The following CELSR1 variants were observed in gnomAD, a reference collection of about 807,000 sequenced individuals.
The protein encoded by CELSR1 is cadherin EGF LAG seven-pass G-type receptor 1.
CELSR1 carries 110 observed loss-of-function variants against 249.1 expected under a neutral mutation model. The ratio of observed to expected loss-of-function variants is 0.44; its 90% CI spans 0.38 to 0.52. CELSR1 has a LOEUF of 0.52. CELSR1 is among the 20% of genes least tolerant of loss of function. The pLI is 0.00. For synonymous variants in CELSR1, 2,113 were observed against 1,900.0 expected (o/e 1.11, Z -2.92); for missense variants, 4,109 against 4,296.4 (o/e 0.96, Z 1.22).
rs1378382854 is a variant in CELSR1 at position 46,381,917 on chromosome 22, A to G, written c.7017T>C (p.Ala2339=). ...HPDDAGQFAV[A]LVIIYRTLGQ... ...CCAGGGTGCGGTAAATGATGACCAG[A>G]GCGACGGCGAACTGGCCAGCGTCAT... The change falls in exon 21 of 35, where the codon GCT becomes GCC. Residue 2339 remains alanine, a synonymous_variant. Transcript: ENST00000674500. This position sits in a 1 kb window ranked among gnomAD's most constrained non-coding sequence, Gnocchi z 6.0. 6 of 1,573,172 alleles carry G rather than the reference A, an allele frequency of 3.8e-6. No individual in the cohort carries two copies. Among genetic ancestry groups the G allele is most frequent in the South Asian group, 1.2e-5 (1 of 85,774 alleles).
Position 46,537,045 on chromosome 22 carries a change from GA to G in CELSR1, c.125del (p.Phe42SerfsTer60). The G allele has an allele frequency of 1.8e-6, 2 of 1,091,802 alleles. No homozygotes were observed. The highest frequency in any genetic ancestry group is 2.2e-6 in the Non-Finnish European group (2 of 899,214). 67.6% of individuals were successfully genotyped at this position (1,091,802 alleles called of 1,614,324 possible). A position where few individuals can be genotyped will look rare whatever the true frequency, so the allele number is the denominator to read the frequency against. On this transcript the variant is annotated frameshift_variant, in exon 1 of 35. Transcript: ENST00000674500. LOFTEE classifies it high-confidence loss of function. The surrounding 1 kb of genome is among the most constrained non-coding windows in gnomAD (Gnocchi z 5.8). ...EPRVPGGTRA[F>X]ALRPGCTYAV... ...CGTAGGTACAGCCGGGCCGGAGGGCGAAGGCGCGGGTCCCGCCGGGTACGCG... is the reference window on the plus strand; with the variant it reads ...CGTAGGTACAGCCGGGCCGGAGGGCGAGGCGCGGGTCCCGCCGGGTACGCG...
chr22:46,519,082 C>T (rs550613954), intron 1 of CELSR1, among the ~76,000 whole-genome samples: 1 of 151,738 alleles, frequency 6.6e-6, no homozygotes, highest in East Asian at 1.9e-4. Flanking sequence ...CCACGTGCTG[C>T]GCTGTGCACG....
chr22:46,518,401 T>A lies in CELSR1; in HGVS notation c.3544+15226A>T, dbSNP rs12483972. On this transcript the variant is annotated intron_variant, in intron 1 of 34. Coordinates refer to ENST00000674500, the MANE Select transcript of CELSR1 (RefSeq NM_001378328.1). This position sits in a 1 kb window ranked among gnomAD's most constrained non-coding sequence, Gnocchi z 5.2. Reference sequence around the variant, plus strand: ...TGGGCTCCCACAGACCACATTGCACTGCGACAAGGCAAACCGATGGTGTGC... The same window carrying A: ...TGGGCTCCCACAGACCACATTGCACAGCGACAAGGCAAACCGATGGTGTGC... Among the ~76,000 whole-genome samples, 20,791 of 152,260 alleles carry A rather than the reference T, an allele frequency of 0.14. 1,481 individuals are homozygous for A. The highest frequency in any genetic ancestry group is 0.25 in the South Asian group (1,184 of 4,828).
chr22:46,365,717 G>GT, intron 30 of CELSR1, 28 bp from the exon 31 acceptor site: 1 of 1,522,484 alleles, frequency 6.6e-7, no homozygotes, highest in South Asian at 1.2e-5. Flanking sequence ...GGTGGGCTCA[G>GT]TATCATCCGT....
chr22:46,470,386 G>A (rs2080144090), intron 1 of CELSR1, among the ~76,000 whole-genome samples: 1 of 151,922 alleles, frequency 6.6e-6, no homozygotes, highest in Admixed American at 6.6e-5. Flanking sequence ...CAAGTTGGGA[G>A]GAGGCTCCAG....
rs1307526969 is a variant in CELSR1, at chr22:46,411,016, G to A, written c.4770-455C>T. On this transcript the variant is annotated intron_variant, in intron 6 of 34. Coordinates refer to ENST00000674500, the MANE Select transcript of CELSR1 (RefSeq NM_001378328.1). The surrounding 1 kb of genome is among the most constrained non-coding windows in gnomAD (Gnocchi z 4.2). Reference sequence around the variant, plus strand: ...AGGTCAAGAGATCGAGACCATCCTGGCCAACAGGATGGTGTCTACTAAAAA... The same window carrying A: ...AGGTCAAGAGATCGAGACCATCCTGACCAACAGGATGGTGTCTACTAAAAA... Among the ~76,000 whole-genome samples the A allele has an allele frequency of 6.6e-6, 1 of 152,044 alleles. No individual in the cohort carries two copies. Among genetic ancestry groups the A allele is most frequent in the Non-Finnish European group, 1.5e-5 (1 of 68,008 alleles).
chr22:46,404,712 C>T (rs1444592123), intron 9 of CELSR1, among the ~76,000 whole-genome samples: 1 of 152,184 alleles, frequency 6.6e-6, no homozygotes, highest in African/African-American at 2.4e-5. Context: ...TGGTCTTGAA[C>T]TCCTGACCTC....
chr22:46,409,975 C>G lies in CELSR1; in HGVS notation c.4934-95G>C, dbSNP rs2079313915. ...GCGTGGGAAACCAGGACGGAATGGA[C>G]CCGGGGCTGGACAGAAGTCAGACCA... On this transcript the variant is annotated intron_variant, in intron 7 of 34. Transcript: ENST00000674500. The surrounding 1 kb of genome is among the most constrained non-coding windows in gnomAD (Gnocchi z 9.8). The G allele has an allele frequency of 6.5e-7, 1 of 1,536,158 alleles. No individual in the cohort carries two copies. The highest frequency in any genetic ancestry group is 1.4e-5 in the African/African-American group (1 of 73,654).
Position 46,535,930 on chromosome 22 carries a change from A to G in CELSR1, c.1241T>C (p.Val414Ala). ...CTCGGCCGCCTCCTCCCGGTCCAGC[A>G]CCGCCCGTGTGCTCACCACGCCAGA... is the stretch of plus-strand genomic sequence containing the variant. ...ESSGVVSTRA[V>A]LDREEAAEYQ... Residue 414 changes from valine to alanine, a missense_variant, in exon 1 of 35, where the codon GTG becomes GCG. By Grantham distance (64) the Val-to-Ala change is moderately conservative. Coordinates refer to ENST00000674500, the MANE Select transcript of CELSR1 (RefSeq NM_001378328.1). The G allele has an allele frequency of 1.2e-6, 2 of 1,609,702 alleles. No individual in the cohort carries two copies. Among genetic ancestry groups the G allele is most frequent in the South Asian group, 2.2e-5 (2 of 91,036 alleles).
chr22:46,365,732 G>C, intron 30 of CELSR1, 43 bp from the exon 31 acceptor site: 1 of 1,473,452 alleles, frequency 6.8e-7, no homozygotes, highest in Non-Finnish European at 9.2e-7. Flanking sequence ...ATCCGTCAGG[G>C]AACAGGAGGT....
Position 46,384,618 on chromosome 22 carries a change from G to A in CELSR1, c.6808C>T (p.His2270Tyr), listed in dbSNP as rs145887429. The A allele has an allele frequency of 4.5e-5, 73 of 1,613,730 alleles. 1 individual carries two copies. The highest frequency in any genetic ancestry group is 6.2e-5 in the Non-Finnish European group (73 of 1,179,930). Residue 2270 changes from histidine to tyrosine, a missense_variant, in exon 20 of 35, where the codon CAT (histidine) becomes TAT (tyrosine). His to Tyr is a moderately conservative substitution (Grantham distance 83). Coordinates refer to ENST00000674500, the MANE Select transcript of CELSR1 (RefSeq NM_001378328.1). ...GARVPRFDTI[H>Y]EEFPRELESS... ...TCCAGCTCCCTGGGGAACTCTTCAT[G>A]GATGGTGTCGAATCGCGGGACCCTG...
At chr22:46,405,459 CAA>C (rs869105580) in intron 9 of CELSR1, among the ~76,000 whole-genome samples, 6,411 of 84,722 alleles carry the variant, frequency 0.076, 363 homozygotes, top group African/African-American at 0.19. Context: ...GACTCCGTCT[CAA>C]AAAAAAAAAA....
At chr22:46,458,036 G>A (rs928984144) in intron 2 of CELSR1, among the ~76,000 whole-genome samples, 4 of 152,246 alleles carry the variant, frequency 2.6e-5, no homozygotes, top group Admixed American at 1.3e-4. Context: ...GCTGCTGTCT[G>A]CATCTAGTGC....
chr22:46,517,473 A>T lies in CELSR1; in HGVS notation c.3544+16154T>A, dbSNP rs953742706. Among the ~76,000 whole-genome samples the T allele has an allele frequency of 6.6e-6, 1 of 152,158 alleles. No individual in the cohort carries two copies. Among genetic ancestry groups the T allele is most frequent in the East Asian group, 1.9e-4 (1 of 5,188 alleles). On this transcript the variant is annotated intron_variant, in intron 1 of 34. Transcript: ENST00000674500. This position sits in a 1 kb window ranked among gnomAD's most constrained non-coding sequence, Gnocchi z 5.4. ...CCACGGGGCACAAGGCGGTATCTGG[A>T]GGGTAGAACCACAATGGCTGATGTG... is the stretch of plus-strand genomic sequence containing the variant.
At chr22:46,497,839 G>A (rs540992340) in intron 1 of CELSR1, among the ~76,000 whole-genome samples, 1 of 152,076 alleles carries the variant, frequency 6.6e-6, no homozygotes, top group African/African-American at 2.4e-5. Context: ...TATTTATTGA[G>A]CTCACACAGA....
chr22:46,507,863 C>CA (rs2080530841), intron 1 of CELSR1, among the ~76,000 whole-genome samples: 1 of 17,506 alleles, frequency 5.7e-5, no homozygotes, highest in Non-Finnish European at 2.1e-4. Flanking sequence ...AGAGGAGGCA[C>CA]TGGGGGGCTG....
chr22:46,477,170 C>T (rs1973541793), intron 1 of CELSR1, among the ~76,000 whole-genome samples: 1 of 152,170 alleles, frequency 6.6e-6, no homozygotes, highest in African/African-American at 2.4e-5. Context: ...ACCAAACTCC[C>T]CCACCTTAAA....
At position 46,454,100 on chromosome 22, in the gene CELSR1, G is replaced by A. The variant is rs2079917741; in HGVS notation, c.4183+9607C>T. On this transcript the variant is annotated intron_variant, in intron 2 of 34. Transcript: ENST00000674500. This position sits in a 1 kb window ranked among gnomAD's most constrained non-coding sequence, Gnocchi z 5.1. Reference sequence around the variant, plus strand: ...AAGGCTCCTTGTAAGCGGTGGGAGGGTGAGGGGCAGAAGGTGCTAGTGGTG... The same window carrying A: ...AAGGCTCCTTGTAAGCGGTGGGAGGATGAGGGGCAGAAGGTGCTAGTGGTG... Among the ~76,000 whole-genome samples, 2 of 152,140 alleles carry A rather than the reference G, an allele frequency of 1.3e-5. No homozygotes were observed. Among genetic ancestry groups the A allele is most frequent in the Admixed American group, 6.5e-5 (1 of 15,278 alleles).
rs780635505 is a variant in CELSR1, at chr22:46,433,236, C to A, written c.4611+157G>T. ...TTTTGGTAGAGACAGGGTTTCGCCA[C>A]GTTGGCCAAGCTGGTCTCGAGCTCC... On this transcript the variant is annotated intron_variant, in intron 5 of 34. Transcript: ENST00000674500. This position sits in a 1 kb window ranked among gnomAD's most constrained non-coding sequence, Gnocchi z 5.7. Among the ~76,000 whole-genome samples, 2 of 152,126 alleles carry A rather than the reference C, an allele frequency of 1.3e-5. No homozygotes were observed. The highest frequency in any genetic ancestry group is 2.9e-5 in the Non-Finnish European group (2 of 68,022).
Sources: allele counts gnomAD v4.1 joint callset (sites outside exome capture counted in the v4.1 genomes callset), GRCh38; gene constraint gnomAD v4.1.1; non-coding constraint Gnocchi (gnomAD v3.1); transcripts MANE v1.5; gene names NCBI Gene and HGNC (gene_info 2026-07-23, HGNC 2026-07-21).